Variants in SLC7A13 observed in about 807,000 individuals in gnomAD.
The protein encoded by SLC7A13 is X-amino acid transporter 2.
A neutral mutation model predicts 32.0 loss-of-function variants in SLC7A13; 31 were observed. That is an observed-to-expected ratio of 0.97 (90% CI 0.73 to 1.31). The LOEUF (loss-of-function observed/expected upper bound fraction) is 1.31. Among genes scored for constraint, SLC7A13 ranks in the 50% most tolerant of loss-of-function variants. The pLI is 0.00. For missense variants in SLC7A13, 633 were observed against 546.9 expected (o/e 1.16, Z -1.57); for synonymous variants, 232 against 206.9 (o/e 1.12, Z -1.04).
At chr8:86,220,009 C>A (rs1820266538) in intron 2 of SLC7A13, among the ~76,000 whole-genome samples, 1 of 151,938 alleles carries the variant, frequency 6.6e-6, no homozygotes, top group African/African-American at 2.4e-5. Flanking sequence ...CTAAAATTCT[C>A]ACTTTCTCTT....
At chr8:86,228,411 G>A (rs1820424716) in intron 1 of SLC7A13, among the ~76,000 whole-genome samples, 1 of 152,136 alleles carries the variant, frequency 6.6e-6, no homozygotes, top group Non-Finnish European at 1.5e-5. Flanking sequence ...GTCTCACTCT[G>A]TAGCCCAAAC....
Position 86,214,588 on chromosome 8 carries a change from G to T in SLC7A13, c.1238C>A (p.Pro413Gln). 3 of 1,613,676 alleles carry T rather than the reference G, an allele frequency of 1.9e-6. No individual in the cohort carries two copies. Among genetic ancestry groups the T allele is most frequent in the Non-Finnish European group, 1.7e-6 (2 of 1,179,808 alleles). Residue 413 changes from proline (P) to glutamine (Q), a missense_variant, in exon 4 of 4, where the codon CCA becomes CAA. Transcript: ENST00000297524. ...ATGCACATTTGGAGACTTTACCAATGGTATCACAACCAAGCCCACGTCGAT... is the reference window on the plus strand; with the variant it reads ...ATGCACATTTGGAGACTTTACCAATTGTATCACAACCAAGCCCACGTCGAT... The part of the protein sequence containing the change: ...IVIDVGLVVI[P>Q]LVKSPNVHYV...
In SLC7A13 at chr8:86,214,646, C is replaced by G. The variant is rs1286347778; in HGVS notation, c.1180G>C (p.Val394Leu). 2.5e-6 allele frequency: 4 copies of G among 1,598,564 alleles called. No individual in the cohort carries two copies. The African/African-American group carries it at 5.4e-5, about 22-fold the overall frequency. The change falls in exon 4 of 4, where the codon GTG (valine) becomes CTG (leucine). Residue 394 changes from valine (V) to leucine (L), a missense_variant and splice_region_variant. Physicochemically the swap from Val to Leu is conservative, Grantham distance 32. Coordinates refer to ENST00000297524, the MANE Select transcript of SLC7A13 (RefSeq NM_138817.3). ...QEPNLSIPYK[V>L]FLSFPLATIV... The stretch of plus-strand genomic sequence containing the variant: ...GTTGCTAATGGAAATGACAAAAACA[C>G]CTGAAAAGAGCAAAGTTTGAAAAAA...
At position 86,229,813 on chromosome 8, in the gene SLC7A13, T is replaced by TTA; in HGVS notation, c.464_465insTA (p.Glu155AspfsTer3). 1 of 1,614,208 alleles carries TTA rather than the reference T, an allele frequency of 6.2e-7. No homozygotes were observed. On this transcript the variant is annotated frameshift_variant, in exon 1 of 4. Transcript: ENST00000297524. LOFTEE classifies it high-confidence loss of function. ...AGCTAGCTATCTGAAGCCAAGTCAC[T>TTA]TCTTTCACACCACGAGAAGTCAGAA...
intron 3 of SLC7A13, 94 bp from the exon 4 acceptor site, chr8:86,214,740 A>T: frequency 1.1e-6 from 1 of 912,810 alleles, no homozygotes; most frequent in Non-Finnish European, 1.6e-6. Context: ...GATACAAGCT[A>T]ATTAAAGAAA....
chr8:86,229,740 C>A lies in SLC7A13; in HGVS notation c.538G>T (p.Val180Leu). 1 of 1,614,186 alleles carries A rather than the reference C, an allele frequency of 6.2e-7. No homozygotes were observed. The highest frequency in any genetic ancestry group is 8.5e-7 in the Non-Finnish European group (1 of 1,180,038). Residue 180 changes from valine to leucine, a missense_variant, in exon 1 of 4, where the codon GTG becomes TTG. Physicochemically the swap from Val to Leu is conservative, Grantham distance 32. Coordinates refer to ENST00000297524, the MANE Select transcript of SLC7A13 (RefSeq NM_138817.3). Reference sequence around the variant, plus strand: ...TCCTTTTTCCCTCTTATCAGGAACACTACTCCAGTTAGGGAAATGAAGCTA... The same window carrying A: ...TCCTTTTTCCCTCTTATCAGGAACAATACTCCAGTTAGGGAAATGAAGCTA... ...ILSFISLTGVVFLIRGKKENV... is the reference protein window; with the variant it reads ...ILSFISLTGVLFLIRGKKENV...
At chr8:86,229,447 C>A in intron 1 of SLC7A13, 146 bp downstream of exon 1, 1 of 760,180 alleles carries the variant, frequency 1.3e-6, no homozygotes, top group Non-Finnish European at 2.1e-6. Flanking sequence ...GTAACAAGTG[C>A]CAGGCTGGCA....
At position 86,218,040 on chromosome 8, in the gene SLC7A13, G is replaced by A. The variant is rs140270358; in HGVS notation, c.818-209C>T. Reference sequence around the variant, plus strand: ...ACTCCATCACACTGTATTGTAAATGGTTATCATTTTATATGTCTTCCCCAA... The same window carrying A: ...ACTCCATCACACTGTATTGTAAATGATTATCATTTTATATGTCTTCCCCAA... On this transcript the variant is annotated intron_variant, in intron 2 of 3. Transcript: ENST00000297524. Among the ~76,000 whole-genome samples, 161 of 152,110 alleles carry A rather than the reference G, an allele frequency of 1.1e-3. 1 individual carries two copies. The highest frequency in any genetic ancestry group is 3.7e-3 in the African/African-American group (152 of 41,496).
chr8:86,216,136 T>G (rs1820177203), intron 3 of SLC7A13, among the ~76,000 whole-genome samples: 1 of 152,192 alleles, frequency 6.6e-6, no homozygotes, highest in Non-Finnish European at 1.5e-5. Context: ...TATAACAAAT[T>G]TATCCTCCAG....
rs1427940370 is a variant in SLC7A13 at position 86,229,833 on chromosome 8, T to C, written c.445A>G (p.Thr149Ala). Residue 149 changes from threonine (T) to alanine (A), a missense_variant, in exon 1 of 4, where the codon ACT becomes GCT. Thr to Ala is a moderately conservative substitution (Grantham distance 58). Coordinates refer to ENST00000297524, the MANE Select transcript of SLC7A13 (RefSeq NM_138817.3). ...LAMLWIVGIL[T>A]SRGVKEVTWL... ...GTCACTTCTTTCACACCACGAGAAG[T>C]CAGAATTCCTACAATCCACAACATG... The C allele has an allele frequency of 3.7e-6, 6 of 1,614,038 alleles. No individual in the cohort carries two copies. The Admixed American group carries it at 8.3e-5, about 22-fold the overall frequency.
intron 3 of SLC7A13, among the ~76,000 whole-genome samples, 197 bp downstream of exon 3, chr8:86,217,273 A>C (rs1190486346): frequency 6.6e-6 from 1 of 152,200 alleles, no homozygotes; most frequent in African/African-American, 2.4e-5. Flanking sequence ...CGTTAAATGG[A>C]ATCTAAGAGA....
At position 86,230,336 on chromosome 8, in the gene SLC7A13, T is replaced by A; in HGVS notation, c.-59A>T. 2 of 1,414,872 alleles carry A rather than the reference T, an allele frequency of 1.4e-6. No individual in the cohort carries two copies. The highest frequency in any genetic ancestry group is 1.9e-6 in the Non-Finnish European group (2 of 1,055,774). 87.6% of individuals were successfully genotyped at this position (1,414,872 alleles called of 1,614,324 possible). A position where few individuals can be genotyped will look rare whatever the true frequency, so the allele number is the denominator to read the frequency against. On this transcript the variant is annotated 5_prime_UTR_variant, in exon 1 of 4. Coordinates refer to ENST00000297524, the MANE Select transcript of SLC7A13 (RefSeq NM_138817.3). The stretch of plus-strand genomic sequence containing the variant: ...TACAATTTCTAGATTTTCCTGCCTA[T>A]GTAGCTGCAAAGGATGTTGATGGAT...
In SLC7A13 at chr8:86,229,768, T is replaced by A. The variant is rs770555645; in HGVS notation, c.510A>T (p.Ile170=). ...QIASSVLKVS[I]LSFISLTGVV... ...CTCCAGTTAGGGAAATGAAGCTAAG[T>A]ATGGACACTTTCAGCACTGAGCTAG... Residue 170 remains isoleucine (I), a synonymous_variant, in exon 1 of 4, where the codon ATA becomes ATT. Coordinates refer to ENST00000297524, the MANE Select transcript of SLC7A13 (RefSeq NM_138817.3). The A allele has an allele frequency of 6.2e-7, 1 of 1,614,228 alleles. No homozygotes were observed. Among genetic ancestry groups the A allele is most frequent in the Non-Finnish European group, 8.5e-7 (1 of 1,180,036 alleles).
intron 3 of SLC7A13, among the ~76,000 whole-genome samples, chr8:86,216,719 T>A (rs1820187719): frequency 6.6e-6 from 1 of 152,196 alleles, no homozygotes; most frequent in South Asian, 2.1e-4. Context: ...CCATGCTGTG[T>A]GAGCTTGAGC....
At position 86,214,591 on chromosome 8, in the gene SLC7A13, A is replaced by C; in HGVS notation, c.1235T>G (p.Ile412Arg). 1.2e-6 allele frequency: 2 copies of C among 1,613,824 alleles called. No individual in the cohort carries two copies. Among genetic ancestry groups the C allele is most frequent in the Non-Finnish European group, 1.7e-6 (2 of 1,179,834 alleles). The change falls in exon 4 of 4, where the codon ATA (isoleucine) becomes AGA (arginine). Residue 412 changes from isoleucine to arginine, a missense_variant. Ile to Arg is a moderately conservative substitution (Grantham distance 97). Coordinates refer to ENST00000297524, the MANE Select transcript of SLC7A13 (RefSeq NM_138817.3). ...CACATTTGGAGACTTTACCAATGGT[A>C]TCACAACCAAGCCCACGTCGATGAC... ...TIVIDVGLVV[I>R]PLVKSPNVHY...
At chr8:86,216,650 T>C (rs1040411689) in intron 3 of SLC7A13, among the ~76,000 whole-genome samples, 1 of 152,224 alleles carries the variant, frequency 6.6e-6, no homozygotes, top group African/African-American at 2.4e-5. Flanking sequence ...TTATATTTTG[T>C]ATTTAGCAAG....
In SLC7A13 at chr8:86,219,158, A is replaced by G. The variant is rs182592478; in HGVS notation, c.818-1327T>C. Reference sequence around the variant, plus strand: ...GTCTCATTTATTGTTCTTCTCAGGAAGATATTGTTGGTTGTTTCTCCTGGA... The same window carrying G: ...GTCTCATTTATTGTTCTTCTCAGGAGGATATTGTTGGTTGTTTCTCCTGGA... On this transcript the variant is annotated intron_variant, in intron 2 of 3. Transcript: ENST00000297524. Among the ~76,000 whole-genome samples, 359 of 152,200 alleles carry G rather than the reference A, an allele frequency of 2.4e-3. 5 individuals are homozygous for G. Among genetic ancestry groups the G allele is most frequent in the Non-Finnish European group, 4.2e-3 (289 of 68,012 alleles).
At position 86,229,569 on chromosome 8, in the gene SLC7A13, T is replaced by C. The variant is rs771051104; in HGVS notation, c.685+24A>G. On this transcript the variant is annotated intron_variant, in intron 1 of 3. Coordinates refer to ENST00000297524, the MANE Select transcript of SLC7A13 (RefSeq NM_138817.3). ...GTATGCAATAAGTCATGATTTTAGA[T>C]TTTTTTCCTCAATGGATTGTTACCT... is the stretch of plus-strand genomic sequence containing the variant. 6.7e-6 allele frequency: 10 copies of C among 1,502,540 alleles called. No individual in the cohort carries two copies. In the Admixed American group the frequency reaches 1.1e-4, roughly 16 times the overall value. 93.1% of individuals were successfully genotyped at this position (1,502,540 alleles called of 1,614,324 possible).
intron 3 of SLC7A13, chr8:86,215,827 A>G (rs1056157624): frequency 4.1e-5 from 10 of 242,928 alleles, no homozygotes; most frequent in African/African-American, 1.2e-4. Flanking sequence ...CTGGGGGCAT[A>G]CAAGACAAAT....
Sources: gnomAD v4.1 joint callset for allele counts (sites outside exome capture counted in the v4.1 genomes callset) on GRCh38, gnomAD v4.1.1 for gene constraint, MANE v1.5 for transcripts, NCBI Gene and HGNC (gene_info 2026-07-23, HGNC 2026-07-21) for gene names.